MDN1: variants seen among roughly 807,000 people sequenced by gnomAD.
MDN1 encodes the protein midasin.
MDN1 carries 266 observed loss-of-function variants against 669.2 expected under a neutral mutation model. The observed-to-expected ratio is 0.40, with a 90% CI of 0.36 to 0.44. The LOEUF is 0.44. Among genes scored for constraint, MDN1 ranks in the 20% least tolerant of loss-of-function variants. The probability of loss-of-function intolerance (pLI) is 1.00; values close to 1 mark genes in which losing one functional copy is unlikely to be tolerated. For missense variants in MDN1, 5,940 were observed against 6,754.0 expected (o/e 0.88, Z 4.22); for synonymous variants, 2,385 against 2,457.1 (o/e 0.97, Z 0.87).
At chr6:89,712,289 T>G (rs2128311925) in intron 48 of MDN1, 33 bp from the exon 49 acceptor site, 2 of 1,524,064 alleles carry the variant, frequency 1.3e-6, no homozygotes, top group East Asian at 2.3e-5. Context: ...AACTCAGTAC[T>G]AGAATAACCT....
intron 15 of MDN1, 72 bp downstream of exon 15, chr6:89,771,489 A>G: frequency 7.6e-7 from 1 of 1,317,950 alleles, no homozygotes; most frequent in Non-Finnish European, 1.1e-6. Flanking sequence ...GGTTGTTAAC[A>G]CTAAGAAAAC....
At chr6:89,710,651 T>TTATCTA in intron 50 of MDN1, 30 bp downstream of exon 50, 1 of 1,307,310 alleles carries the variant, frequency 7.6e-7, no homozygotes, top group East Asian at 2.6e-5. Context: ...TCCAAAACAG[T>TTATCTA]GCTGAGAGCT....
chr6:89,742,055 C>T (rs902318949), intron 31 of MDN1, among the ~76,000 whole-genome samples: 10 of 152,014 alleles, frequency 6.6e-5, no homozygotes, highest in African/African-American at 1.9e-4. Context: ...GGGCCAAGAT[C>T]GCATCGCTGC....
intron 33 of MDN1, among the ~76,000 whole-genome samples, chr6:89,738,021 G>A (rs1467534738): frequency 1.3e-5 from 2 of 152,100 alleles, no homozygotes; most frequent in Admixed American, 1.3e-4. Flanking sequence ...ACCACACCTA[G>A]CCAAAAAAAT....
intron 92 of MDN1, 42 bp from the exon 93 acceptor site, chr6:89,654,376 T>A (rs754597989): frequency 6.2e-7 from 1 of 1,605,982 alleles, no homozygotes; most frequent in South Asian, 1.1e-5. Context: ...ATCCTAGGTC[T>A]TTGCAGAACA....
intron 15 of MDN1, among the ~76,000 whole-genome samples, chr6:89,764,661 C>G (rs1817712388): frequency 6.6e-6 from 1 of 152,024 alleles, no homozygotes; most frequent in South Asian, 2.1e-4. Flanking sequence ...TTGAAGGATA[C>G]CTAAGTCAAG....
intron 2 of MDN1, among the ~76,000 whole-genome samples, chr6:89,795,918 GCT>G (rs377221801): frequency 1.8e-4 from 27 of 152,188 alleles, no homozygotes; most frequent in African/African-American, 6.5e-4. Context: ...TCGCACCACT[GCT>G]CTCAGGCCTG....
intron 94 of MDN1, among the ~76,000 whole-genome samples, chr6:89,652,633 C>CA (rs781000139): frequency 6.6e-5 from 10 of 152,298 alleles, no homozygotes; most frequent in Non-Finnish European, 1.3e-4. Context: ...TTCATAAATA[C>CA]AGGCACTAAG....
At chr6:89,811,555 C>A (rs1383883870) in intron 1 of MDN1, among the ~76,000 whole-genome samples, 1 of 152,016 alleles carries the variant, frequency 6.6e-6, no homozygotes, top group Non-Finnish European at 1.5e-5. Context: ...AACCAATTCT[C>A]CTGCCACAGC....
chr6:89,792,089 C>G (rs1432963941), intron 5 of MDN1, among the ~76,000 whole-genome samples: 1 of 151,762 alleles, frequency 6.6e-6, no homozygotes, highest in Admixed American at 6.6e-5. Flanking sequence ...AGGATGGTCT[C>G]GATCTCCTGA....
intron 20 of MDN1, 112 bp downstream of exon 20, chr6:89,756,165 T>C: frequency 1.9e-6 from 1 of 522,772 alleles, no homozygotes; most frequent in Non-Finnish European, 3.4e-6. Context: ...AATCCTGCCA[T>C]CAGTTTTCTC....
At chr6:89,683,429 AC>A (rs2128306671) in intron 72 of MDN1, 99 bp from the exon 73 acceptor site, 1 of 911,270 alleles carries the variant, frequency 1.1e-6, no homozygotes. Flanking sequence ...ATAATCTAAT[AC>A]CCTGTACCTT....
chr6:89,678,646 T>A lies in MDN1; in HGVS notation c.12365A>T (p.Gln4122Leu). 1 of 1,614,196 alleles carries A rather than the reference T, an allele frequency of 6.2e-7. No homozygotes were observed. The highest frequency in any genetic ancestry group is 8.5e-7 in the Non-Finnish European group (1 of 1,180,020). The change falls in exon 75 of 102, where the codon CAA becomes CTA. Residue 4122 changes from glutamine to leucine, a missense_variant. This residue lies in a region of MDN1 where 2,280 missense variants were observed against 2,576.3 expected (regional missense o/e 0.88). Coordinates refer to ENST00000369393, the MANE Select transcript of MDN1 (RefSeq NM_014611.3). ...QRSEAKHILM[Q>L]KQRALSDLFK... ...GAGGTCTGACAAAGCTCGCTGTTTT[T>A]GCATGAGAATGTGCTTGGCTTCTGA...
chr6:89,656,617 T>TG, intron 91 of MDN1, 83 bp downstream of exon 91: 1 of 1,101,724 alleles, frequency 9.1e-7, no homozygotes, highest in East Asian at 2.4e-5. Flanking sequence ...TAGCTTTTTT[T>TG]TTTTTTTTTT....
At chr6:89,796,346 A>AC (rs1403949455) in intron 2 of MDN1, among the ~76,000 whole-genome samples, 2 of 149,490 alleles carry the variant, frequency 1.3e-5, no homozygotes, top group African/African-American at 2.5e-5. Context: ...AAAAAAAAAA[A>AC]AAAACAAAAA....
intron 49 of MDN1, among the ~76,000 whole-genome samples, chr6:89,711,083 T>C (rs2128311729): frequency 6.6e-6 from 1 of 152,348 alleles, no homozygotes; most frequent in South Asian, 2.1e-4. Flanking sequence ...TGACCACATG[T>C]GTTACAAAAT....
chr6:89,718,129 C>T (rs1165425604), intron 43 of MDN1, among the ~76,000 whole-genome samples: 1 of 152,140 alleles, frequency 6.6e-6, no homozygotes, highest in African/African-American at 2.4e-5. Flanking sequence ...TAGGTGATTA[C>T]ACACAAAATA....
chr6:89,650,246 T>A, intron 96 of MDN1, 48 bp from the exon 97 acceptor site: 1 of 1,558,806 alleles, frequency 6.4e-7, no homozygotes, highest in Non-Finnish European at 8.7e-7. Flanking sequence ...TTTTAATTCC[T>A]GAGAATTTTT....
rs1353615469 is a variant in MDN1, at chr6:89,794,169, T to G, written c.593A>C (p.Asn198Thr). 6.2e-7 allele frequency: 1 copy of G among 1,601,348 alleles called. No individual in the cohort carries two copies. The highest frequency in any genetic ancestry group is 2.2e-5 in the East Asian group (1 of 44,838). The change falls in exon 4 of 102, where the codon AAT becomes ACT. Residue 198 changes from asparagine to threonine, a missense_variant. Physicochemically the swap from Asn to Thr is moderately conservative, Grantham distance 65 (BLOSUM62 0). Transcript: ENST00000369393. ...AAGAAATGATAACTTGTGCTCTTCA[T>G]TCATACAGGTAACCAAAGCAAGACA... Reference protein sequence around the residue: ...ANCLALVTCMNEEHKLSFLKK... With the variant: ...ANCLALVTCMTEEHKLSFLKK...
Sources: allele counts gnomAD v4.1 joint callset (sites outside exome capture counted in the v4.1 genomes callset), GRCh38; gene constraint gnomAD v4.1.1; regional missense constraint gnomAD v4.1.1; transcripts MANE v1.5; gene names NCBI Gene and HGNC (gene_info 2026-07-23, HGNC 2026-07-21).